The following RNF121 variants were observed in gnomAD, a reference collection of about 807,000 sequenced individuals.
RNF121 encodes E3 ubiquitin ligase RNF121.
Under a neutral mutation model 46.5 loss-of-function variants are expected in RNF121, and 21 were observed. That is an observed-to-expected ratio of 0.45 (90% confidence interval 0.32 to 0.65). The LOEUF (loss-of-function observed/expected upper bound fraction) is 0.65. Ranked by LOEUF, RNF121 falls within the 30% of genes least tolerant of loss-of-function variation. The pLI, the probability that RNF121 is intolerant of heterozygous loss-of-function variation, is 0.04. For synonymous variants in RNF121, 139 were observed against 144.7 expected (o/e 0.96, Z 0.28); for missense variants, 346 against 416.0 (o/e 0.83, Z 1.46).
chr11:71,943,136 G>C (rs1024293061), intron 1 of RNF121, among the ~76,000 whole-genome samples: 1 of 152,186 alleles, frequency 6.6e-6, no homozygotes, highest in African/African-American at 2.4e-5. Flanking sequence ...GACCATAGCA[G>C]GGATAGCAGA....
chr11:71,994,923 G>A (rs1954944165), intron 7 of RNF121, 71 bp downstream of exon 7: 4 of 1,600,534 alleles, frequency 2.5e-6, no homozygotes, highest in Admixed American at 1.7e-5. Flanking sequence ...AGAGAAAGAG[G>A]GTGGTCATGA....
In RNF121 at chr11:71,952,082, A is replaced by G. The variant is rs537027781; in HGVS notation, c.64-5145A>G. 3.9e-5 allele frequency among the ~76,000 whole-genome samples: 6 copies of G among 152,360 alleles called. 1 individual carries two copies. The South Asian group carries it at 1.2e-3, about 32-fold the overall frequency. ...AGTAGAAACAATGCCTACATTCATC[A>G]GCTGATGAATGGATAAATAACGTGG... is the stretch of plus-strand genomic sequence containing the variant. On this transcript the variant is annotated intron_variant, in intron 1 of 8. Transcript: ENST00000361756.
intron 3 of RNF121, among the ~76,000 whole-genome samples, chr11:71,964,258 C>A (rs927405533): frequency 1.3e-5 from 2 of 152,026 alleles, no homozygotes; most frequent in African/African-American, 2.4e-5. Flanking sequence ...GTATGTTATT[C>A]TTTTTGATGC....
chr11:71,946,369 A>G (rs910185195), intron 1 of RNF121, among the ~76,000 whole-genome samples: 8 of 152,226 alleles, frequency 5.3e-5, no homozygotes, highest in African/African-American at 1.9e-4. Flanking sequence ...AGACAGTCAC[A>G]AAAGATCACA....
Position 71,997,203 on chromosome 11 carries a change from CGT to C in RNF121, c.*911_*912del, listed in dbSNP as rs3841467. On this transcript the variant is annotated 3_prime_UTR_variant, in exon 9 of 9. Coordinates refer to ENST00000361756, the MANE Select transcript of RNF121 (RefSeq NM_018320.5). ...TCTTGAAAGCCTAAGAGTGCGTATG[CGT>C]GTGTGTGTGTGTGTGTGTGTGTACG... The C allele has an allele frequency of 0.87, 129,890 of 150,160 alleles. 56,940 individuals carry two copies. The highest frequency in any genetic ancestry group is 0.96 in the Non-Finnish European group (64,722 of 67,432). The allele number at this position is 150,160 out of a possible 1,614,324, so 9.3% of individuals were successfully genotyped here. A position where few individuals can be genotyped will look rare whatever the true frequency, so the allele number is the denominator to read the frequency against.
chr11:71,965,951 C>A (rs538929137), intron 3 of RNF121, among the ~76,000 whole-genome samples: 30 of 152,204 alleles, frequency 2.0e-4, no homozygotes, highest in Non-Finnish European at 3.7e-4. Flanking sequence ...TGAAGTTGAG[C>A]ATGTTTTCAT....
At chr11:71,948,993 T>C (rs1459861428) in intron 1 of RNF121, among the ~76,000 whole-genome samples, 1 of 152,204 alleles carries the variant, frequency 6.6e-6, no homozygotes, top group African/African-American at 2.4e-5. Context: ...TTACACAGCA[T>C]TTTGTGTATA....
At chr11:71,972,691 C>T (rs1954443837) in intron 3 of RNF121, among the ~76,000 whole-genome samples, 1 of 152,008 alleles carries the variant, frequency 6.6e-6, no homozygotes, top group Non-Finnish European at 1.5e-5. Context: ...TTGTAACAAC[C>T]AGATGTCTCC....
chr11:71,951,638 TAAAA>T lies in RNF121; in HGVS notation c.64-5574_64-5571del, dbSNP rs780940688. 5.2e-5 allele frequency among the ~76,000 whole-genome samples: 6 copies of T among 116,052 alleles called. No individual in the cohort carries two copies. In the East Asian group the frequency reaches 1.2e-3, roughly 23 times the overall value. 76.1% of individuals were successfully genotyped at this position (116,052 alleles called of 152,430 possible). On this transcript the variant is annotated intron_variant, in intron 1 of 8. Coordinates refer to ENST00000361756, the MANE Select transcript of RNF121 (RefSeq NM_018320.5). ...GGCACTATAGCAAGACCCTGTCTCTTAAAAAAAAAAAAAAAAAACCATGGACAAA... is the reference window on the plus strand; with the variant it reads ...GGCACTATAGCAAGACCCTGTCTCTTAAAAAAAAAAAAAACCATGGACAAA...
Position 71,996,543 on chromosome 11 carries a change from T to TA in RNF121, c.*234dup, listed in dbSNP as rs1954982451. On this transcript the variant is annotated 3_prime_UTR_variant, in exon 9 of 9. Transcript: ENST00000361756. ...AGAAAACTATTTTGATGAATATATT[T>TA]AAAAAACCTTTTTTTATTGTGGAGC... is the stretch of plus-strand genomic sequence containing the variant. 4.6e-5 allele frequency: 22 copies of TA among 477,308 alleles called. No individual in the cohort carries two copies. In the South Asian group the frequency reaches 6.6e-4, roughly 14 times the overall value. 29.6% of individuals were successfully genotyped at this position (477,308 alleles called of 1,614,324 possible). A position where few individuals can be genotyped will look rare whatever the true frequency, so the allele number is the denominator to read the frequency against.
chr11:71,944,592 G>T (rs1052427069), intron 1 of RNF121, among the ~76,000 whole-genome samples: 3 of 152,222 alleles, frequency 2.0e-5, no homozygotes, highest in Admixed American at 6.5e-5. Context: ...TAGGGGTCAG[G>T]TCATGGCCTT....
chr11:71,950,546 C>T (rs981611047), intron 1 of RNF121, among the ~76,000 whole-genome samples: 20 of 150,602 alleles, frequency 1.3e-4, no homozygotes, highest in Admixed American at 8.6e-4. Flanking sequence ...ATCATGCCAT[C>T]GCACTCCAGT....
chr11:71,970,846 A>G (rs1019728213), intron 3 of RNF121, among the ~76,000 whole-genome samples: 7 of 152,198 alleles, frequency 4.6e-5, no homozygotes, highest in East Asian at 1.9e-4. Flanking sequence ...AAGACACACT[A>G]TAAGAATAGA....
intron 5 of RNF121, 27 bp downstream of exon 5, chr11:71,987,138 C>T (rs1370818622): frequency 6.8e-7 from 1 of 1,478,010 alleles, no homozygotes; most frequent in Non-Finnish European, 9.5e-7. Context: ...TTTGTTTTTG[C>T]TGGAGTTTGG....
chr11:71,970,414 A>C (rs1590798896), intron 3 of RNF121, among the ~76,000 whole-genome samples: 1 of 152,234 alleles, frequency 6.6e-6, no homozygotes. Context: ...TAATCCCAGC[A>C]CTTTGGAAGA....
intron 1 of RNF121, among the ~76,000 whole-genome samples, chr11:71,932,281 G>A (rs1374130940): frequency 1.3e-5 from 2 of 152,234 alleles, no homozygotes; most frequent in South Asian, 4.1e-4. Context: ...CAGTAGGCAT[G>A]TGAATTAGAT....
intron 6 of RNF121, among the ~76,000 whole-genome samples, chr11:71,992,981 A>G: frequency 6.6e-6 from 1 of 152,206 alleles, no homozygotes; most frequent in Non-Finnish European, 1.5e-5. Context: ...GAATATTTCC[A>G]TCACCTTGGG....
intron 3 of RNF121, among the ~76,000 whole-genome samples, chr11:71,963,619 A>C (rs886767236): frequency 7.4e-5 from 11 of 147,940 alleles, no homozygotes; most frequent in Admixed American, 2.7e-4. Context: ...ACTCCTTCCC[A>C]AAAAAAAAAG....
At chr11:71,941,317 T>A (rs1370665730) in intron 1 of RNF121, among the ~76,000 whole-genome samples, 1 of 152,258 alleles carries the variant, frequency 6.6e-6, no homozygotes, top group African/African-American at 2.4e-5. Flanking sequence ...CTTTCACTTA[T>A]TTATGTTTTG....
Sources: gnomAD v4.1 joint callset for allele counts (sites outside exome capture counted in the v4.1 genomes callset) on GRCh38, gnomAD v4.1.1 for gene constraint, MANE v1.5 for transcripts, NCBI Gene and HGNC (gene_info 2026-07-23, HGNC 2026-07-21) for gene names.